The following PDSS2 variants were observed in gnomAD, a reference collection of about 807,000 sequenced individuals.
PDSS2 encodes the protein all trans-polyprenyl-diphosphate synthase PDSS2.
Under a neutral mutation model 44.5 loss-of-function variants are expected in PDSS2, and 31 were observed. The observed-to-expected ratio is 0.70, with a 90% CI of 0.52 to 0.94. The LOEUF (loss-of-function observed/expected upper bound fraction) is 0.94. PDSS2 is among the 40% of genes least tolerant of loss of function. PDSS2 has a pLI of 0.00. For synonymous variants in PDSS2, 157 were observed against 180.3 expected (o/e 0.87, Z 1.03); for missense variants, 452 against 482.2 (o/e 0.94, Z 0.59).
At chr6:107,215,891 C>T (rs954975106) in intron 4 of PDSS2, among the ~76,000 whole-genome samples, 6 of 152,010 alleles carry the variant, frequency 3.9e-5, no homozygotes, top group East Asian at 1.9e-4. Context: ...AATCCCAGCA[C>T]TTTGGGAGGC....
At chr6:107,373,342 G>C (rs1258492220) in intron 1 of PDSS2, among the ~76,000 whole-genome samples, 1 of 152,146 alleles carries the variant, frequency 6.6e-6, no homozygotes, top group African/African-American at 2.4e-5. Flanking sequence ...CTACGAGGCA[G>C]AGTAAAAATC....
In PDSS2 at chr6:107,459,025, C is replaced by A. The variant is rs766746836; in HGVS notation, c.261G>T (p.Leu87=). 1.2e-6 allele frequency: 2 copies of A among 1,614,170 alleles called. No individual in the cohort carries two copies. Among genetic ancestry groups the A allele is most frequent in the Non-Finnish European group, 1.7e-6 (2 of 1,180,018 alleles). Residue 87 remains leucine (L), a synonymous_variant, in exon 1 of 8, where the codon CTG becomes CTT. Transcript: ENST00000369037. This position sits in a 1 kb window ranked among gnomAD's most constrained non-coding sequence, Gnocchi z 4.3. ...TAAGCAGAGGGTGCTGAGTGCCCAC[C>A]AGCTTCCGCACCTGCATAGCGATGT... The part of the protein sequence containing the change: ...LSNIAMQVRK[L]VGTQHPLLTT...
intron 4 of PDSS2, among the ~76,000 whole-genome samples, chr6:107,229,336 A>G (rs1018071875): frequency 2.0e-5 from 3 of 152,000 alleles, no homozygotes; most frequent in African/African-American, 7.2e-5. Flanking sequence ...ACAGGCGTGC[A>G]CCACCATGCC....
chr6:107,187,974 G>C lies in PDSS2; in HGVS notation c.1041+5848C>G, dbSNP rs576754827. On this transcript the variant is annotated intron_variant, in intron 7 of 7. Coordinates refer to ENST00000369037, the MANE Select transcript of PDSS2 (RefSeq NM_020381.4). ...GAAAAAAACAGAGCAAAGGTGGAGT[G>C]GCTACTTTAGATAGGGAAGCTGGAG... is the stretch of plus-strand genomic sequence containing the variant. Among the ~76,000 whole-genome samples the C allele has an allele frequency of 6.6e-5, 10 of 152,336 alleles. No individual in the cohort carries two copies. The South Asian group carries it at 2.1e-3, about 32-fold the overall frequency.
At chr6:107,330,128 C>A (rs995435675) in intron 2 of PDSS2, among the ~76,000 whole-genome samples, 2 of 152,000 alleles carry the variant, frequency 1.3e-5, no homozygotes, top group African/African-American at 2.4e-5. Flanking sequence ...TCCTGATGGG[C>A]AGGTGACTTT....
intron 1 of PDSS2, among the ~76,000 whole-genome samples, chr6:107,377,461 T>G (rs1302480115): frequency 6.6e-6 from 1 of 152,158 alleles, no homozygotes; most frequent in Non-Finnish European, 1.5e-5. Context: ...GTTCAACCAT[T>G]GTGGAAGACA....
chr6:107,238,370 G>A (rs1172201059), intron 4 of PDSS2, among the ~76,000 whole-genome samples: 1 of 152,300 alleles, frequency 6.6e-6, no homozygotes, highest in Admixed American at 6.5e-5. Flanking sequence ...ATGTTACTCA[G>A]CATATAGTCA....
At chr6:107,447,697 G>A (rs1362044974) in intron 1 of PDSS2, among the ~76,000 whole-genome samples, 3 of 152,174 alleles carry the variant, frequency 2.0e-5, no homozygotes. Flanking sequence ...CAAGCTGTAC[G>A]TGGATCTACC....
At chr6:107,209,346 T>A (rs920199768) in intron 6 of PDSS2, among the ~76,000 whole-genome samples, 3 of 152,162 alleles carry the variant, frequency 2.0e-5, no homozygotes, top group Admixed American at 1.3e-4. Context: ...GTAGGAGGAC[T>A]GCTCAGGGAT....
intron 1 of PDSS2, among the ~76,000 whole-genome samples, chr6:107,437,242 C>T (rs1189478493): frequency 6.6e-6 from 1 of 152,150 alleles, no homozygotes; most frequent in Non-Finnish European, 1.5e-5. Context: ...AGTTGTGAGG[C>T]TGGGTGCAGC....
At chr6:107,161,887 T>G (rs1460908816) in intron 7 of PDSS2, among the ~76,000 whole-genome samples, 1 of 152,204 alleles carries the variant, frequency 6.6e-6, no homozygotes, top group African/African-American at 2.4e-5. Flanking sequence ...GTGTGTGTGT[T>G]TTCTGATCCA....
chr6:107,300,254 C>T (rs1437422351), intron 2 of PDSS2, among the ~76,000 whole-genome samples: 1 of 152,136 alleles, frequency 6.6e-6, no homozygotes, highest in Non-Finnish European at 1.5e-5. Context: ...ACCCCTGGAC[C>T]AGCCTGCTAG....
At chr6:107,378,702 C>T (rs1291296064) in intron 1 of PDSS2, among the ~76,000 whole-genome samples, 1 of 152,172 alleles carries the variant, frequency 6.6e-6, no homozygotes, top group Non-Finnish European at 1.5e-5. Context: ...AGGAGAATAG[C>T]TTGAACCTGG....
intron 1 of PDSS2, among the ~76,000 whole-genome samples, chr6:107,427,385 C>T (rs754275356): frequency 3.3e-5 from 5 of 152,128 alleles, no homozygotes; most frequent in Admixed American, 1.3e-4. Flanking sequence ...TTCCCAGTCT[C>T]GGGTATGTCT....
chr6:107,160,506 C>T lies in PDSS2; in HGVS notation c.1042-5729G>A, dbSNP rs181000404. ...GGGACTACAGGGACCTGCCACCACA[C>T]CCAGCTAATTTAAATTTTTTTTTTT... On this transcript the variant is annotated intron_variant, in intron 7 of 7. Transcript: ENST00000369037. Among the ~76,000 whole-genome samples the T allele has an allele frequency of 6.8e-3, 988 of 145,826 alleles. 12 individuals carry two copies. Among genetic ancestry groups the T allele is most frequent in the Admixed American group, 0.024 (340 of 14,458 alleles).
intron 1 of PDSS2, among the ~76,000 whole-genome samples, chr6:107,363,319 G>A (rs1778840320): frequency 6.6e-6 from 1 of 152,214 alleles, no homozygotes; most frequent in Non-Finnish European, 1.5e-5. Flanking sequence ...GCAGACCCTC[G>A]CGGTGAGTCT....
intron 7 of PDSS2, chr6:107,192,164 C>T (rs1772402872): frequency 5.9e-6 from 1 of 170,554 alleles, no homozygotes; most frequent in African/African-American, 2.4e-5. Context: ...GAGGGTAAGT[C>T]CACAGCCTGC....
chr6:107,426,370 G>A (rs1458313975), intron 1 of PDSS2, among the ~76,000 whole-genome samples: 1 of 152,254 alleles, frequency 6.6e-6, no homozygotes, highest in East Asian at 1.9e-4. Flanking sequence ...TTCAGAGGAT[G>A]TATGGAAATG....
At chr6:107,389,153 G>A (rs1779703880) in intron 1 of PDSS2, among the ~76,000 whole-genome samples, 1 of 152,138 alleles carries the variant, frequency 6.6e-6, no homozygotes. Flanking sequence ...CTGGGGTAGT[G>A]AATATATGAC....
Sources: allele counts gnomAD v4.1 joint callset (sites outside exome capture counted in the v4.1 genomes callset), GRCh38; gene constraint gnomAD v4.1.1; non-coding constraint Gnocchi (gnomAD v3.1); transcripts MANE v1.5; gene names NCBI Gene and HGNC (gene_info 2026-07-23, HGNC 2026-07-21).